NECTIN2: variants seen among roughly 807,000 people sequenced by gnomAD.
NECTIN2 encodes nectin-2.
A neutral mutation model predicts 56.9 loss-of-function variants in NECTIN2; 23 were observed. The observed-to-expected ratio is 0.40, with a 90% CI of 0.29 to 0.57. The LOEUF (loss-of-function observed/expected upper bound fraction) is 0.57. Ranked by LOEUF, NECTIN2 falls within the 20% of genes least tolerant of loss-of-function variation. NECTIN2 has a pLI of 0.38. For synonymous variants in NECTIN2, 302 were observed against 313.8 expected (o/e 0.96, Z 0.40); for missense variants, 587 against 718.3 (o/e 0.82, Z 2.09).
rs139594050 is a variant in NECTIN2 at position 44,887,654 on chromosome 19, A to C, written c.1348-456A>C. Among the ~76,000 whole-genome samples the C allele has an allele frequency of 3.3e-3, 499 of 152,304 alleles. 5 individuals are homozygous for C. The highest frequency in any genetic ancestry group is 0.011 in the African/African-American group (472 of 41,570). On this transcript the variant is annotated intron_variant, in intron 8 of 8. Coordinates refer to ENST00000252483, the MANE Select transcript of NECTIN2 (RefSeq NM_001042724.2). ...GAGCAAAACTCCGTCTCAACAACAA[A>C]AAAAAACAGAATGAAAGAAAATTGA... is the stretch of plus-strand genomic sequence containing the variant.
At chr19:44,848,905 C>A (rs1262500360) in intron 1 of NECTIN2, among the ~76,000 whole-genome samples, 1 of 152,052 alleles carries the variant, frequency 6.6e-6, no homozygotes, top group Non-Finnish European at 1.5e-5. Context: ...GGGCCCCCAG[C>A]TGGGCCGGCT....
intron 1 of NECTIN2, among the ~76,000 whole-genome samples, chr19:44,864,523 G>A (rs769241262): frequency 2.6e-5 from 4 of 151,640 alleles, no homozygotes; most frequent in Non-Finnish European, 5.9e-5. Flanking sequence ...ACAAATACAG[G>A]TAAGAATGGC....
chr19:44,866,449 G>T (rs867990715), intron 2 of NECTIN2, among the ~76,000 whole-genome samples: 1 of 152,046 alleles, frequency 6.6e-6, no homozygotes. Context: ...AAGGGGCCAT[G>T]GAAGTTGGAG....
intron 5 of NECTIN2, among the ~76,000 whole-genome samples, chr19:44,876,348 G>A (rs1403452772): frequency 1.3e-5 from 2 of 152,032 alleles, no homozygotes; most frequent in African/African-American, 2.4e-5. Context: ...CACCCAGCAG[G>A]TGGCTCCAAG....
chr19:44,853,998 A>C (rs1012503046), intron 1 of NECTIN2, among the ~76,000 whole-genome samples: 1 of 152,098 alleles, frequency 6.6e-6, no homozygotes, highest in African/African-American at 2.4e-5. Flanking sequence ...GTAACAGGGC[A>C]AAAGGGCGGA....
At chr19:44,848,481 G>C (rs896618522) in intron 1 of NECTIN2, among the ~76,000 whole-genome samples, 1 of 152,010 alleles carries the variant, frequency 6.6e-6, no homozygotes, top group Non-Finnish European at 1.5e-5. Flanking sequence ...TTCCTCCCTC[G>C]TAAAAAAACT....
chr19:44,869,330 C>T (rs937725995), intron 2 of NECTIN2, among the ~76,000 whole-genome samples: 15 of 152,014 alleles, frequency 9.9e-5, no homozygotes, highest in Non-Finnish European at 1.8e-4. Context: ...CAGTGGCTCA[C>T]GCCTGTAATC....
rs1568585832 is a variant in NECTIN2 at position 44,850,506 on chromosome 19, G to T, written c.88+3893G>T. On this transcript the variant is annotated intron_variant, in intron 1 of 8. Transcript: ENST00000252483. ...CAAAAAATTTAAAAATTAGCCAAAG[G>T]TGGTGGTGTGTGCCTATAGTCCCAG... Among the ~76,000 whole-genome samples, 4 of 152,128 alleles carry T rather than the reference G, an allele frequency of 2.6e-5. No individual in the cohort carries two copies. The East Asian group carries it at 7.7e-4, about 29-fold the overall frequency.
At position 44,865,488 on chromosome 19, in the gene NECTIN2, G is replaced by T; in HGVS notation, c.306G>T (p.Arg102=). ...CCAGCCCGAAGCCTGGCAGCGAGCG[G>T]CTGTCCTTCGTCTCTGCCAAGCAGA... ...SFPSPKPGSE[R]LSFVSAKQST... Residue 102 remains arginine, a synonymous_variant, in exon 2 of 9, where the codon CGG becomes CGT. Transcript: ENST00000252483. This position sits in a 1 kb window ranked among gnomAD's most constrained non-coding sequence, Gnocchi z 5.2. 1 of 1,608,758 alleles carries T rather than the reference G, an allele frequency of 6.2e-7. No homozygotes were observed.
At chr19:44,876,344 G>A (rs1969236868) in intron 5 of NECTIN2, among the ~76,000 whole-genome samples, 1 of 152,006 alleles carries the variant, frequency 6.6e-6, no homozygotes, top group Non-Finnish European at 1.5e-5. Flanking sequence ...CACACACCCA[G>A]CAGGTGGCTC....
chr19:44,887,226 G>A (rs1337339989), intron 8 of NECTIN2, among the ~76,000 whole-genome samples: 1 of 152,074 alleles, frequency 6.6e-6, no homozygotes, highest in Non-Finnish European at 1.5e-5. Context: ...ACATGCTCCT[G>A]TAATCCCAGC....
chr19:44,888,370 G>A lies in NECTIN2; in HGVS notation c.1608G>A (p.Met536Ile). The change falls in exon 9 of 9, where the codon ATG (methionine) becomes ATA (isoleucine). Residue 536 changes from methionine to isoleucine, a missense_variant. Transcript: ENST00000252483. ...QGKGFVMSRA[M>I]YV The stretch of plus-strand genomic sequence containing the variant: ...AAGGCTTTGTCATGTCCCGGGCCAT[G>A]TATGTGTGAGCTGCCATGCGCCTGG... 6.2e-7 allele frequency: 1 copy of A among 1,610,232 alleles called. No individual in the cohort carries two copies. Among genetic ancestry groups the A allele is most frequent in the Non-Finnish European group, 8.5e-7 (1 of 1,176,778 alleles).
intron 8 of NECTIN2, 89 bp from the exon 9 acceptor site, chr19:44,888,021 C>A: frequency 7.2e-7 from 1 of 1,391,644 alleles, no homozygotes; most frequent in Non-Finnish European, 9.9e-7. Flanking sequence ...GGGGAGAGAG[C>A]GGTCAGGATT....
chr19:44,881,521 T>C (rs951591304), intron 5 of NECTIN2, among the ~76,000 whole-genome samples: 1 of 112,996 alleles, frequency 8.8e-6, no homozygotes, highest in Admixed American at 9.2e-5. Context: ...TACAAAAAAA[T>C]TCAAAAAAAA....
At chr19:44,884,960 C>T (rs963500083) in intron 6 of NECTIN2, among the ~76,000 whole-genome samples, 9 of 152,088 alleles carry the variant, frequency 5.9e-5, no homozygotes, top group African/African-American at 1.2e-4. Flanking sequence ...ACCTTGCTGA[C>T]GACCCAGATC....
In NECTIN2 at chr19:44,872,156, G is replaced by A. The variant is rs71352236; in HGVS notation, c.775+7G>A. The stretch of plus-strand genomic sequence containing the variant: ...GTGACCCTCTCTGTACGCTGTGAGT[G>A]TATCGGGGGTGACCCCTCCCCCATC... On this transcript the variant is annotated splice_region_variant and intron_variant, in intron 3 of 8. Coordinates refer to ENST00000252483, the MANE Select transcript of NECTIN2 (RefSeq NM_001042724.2). The A allele has an allele frequency of 0.018, 28,841 of 1,608,728 alleles. 301 individuals carry two copies. The highest frequency in any genetic ancestry group is 0.032 in the Middle Eastern group (191 of 6,054).
At chr19:44,868,781 C>T (rs1158171222) in intron 2 of NECTIN2, among the ~76,000 whole-genome samples, 1 of 151,782 alleles carries the variant, frequency 6.6e-6, no homozygotes, top group African/African-American at 2.4e-5. Flanking sequence ...GGCGTGGTGG[C>T]GGGTGCCTTA....
intron 8 of NECTIN2, among the ~76,000 whole-genome samples, chr19:44,886,847 C>T (rs1467804159): frequency 6.6e-6 from 1 of 152,046 alleles, no homozygotes; most frequent in Non-Finnish European, 1.5e-5. Context: ...TCGAGACCAG[C>T]GTGGGCAACA....
intron 1 of NECTIN2, among the ~76,000 whole-genome samples, chr19:44,864,699 G>A (rs970837254): frequency 1.1e-4 from 17 of 152,080 alleles, no homozygotes; most frequent in Non-Finnish European, 2.4e-4. Context: ...ATGGTGGCAG[G>A]CGCCTGTAGT....
Sources: allele counts gnomAD v4.1 joint callset (sites outside exome capture counted in the v4.1 genomes callset), GRCh38; gene constraint gnomAD v4.1.1; non-coding constraint Gnocchi (gnomAD v3.1); transcripts MANE v1.5; gene names NCBI Gene and HGNC (gene_info 2026-07-23, HGNC 2026-07-21).